The following UBA2 variants were observed in gnomAD, a reference collection of about 807,000 sequenced individuals.
The protein encoded by UBA2 is SUMO-activating enzyme subunit 2.
UBA2 carries 11 observed loss-of-function variants against 77.2 expected under a neutral mutation model. The ratio of observed to expected loss-of-function variants is 0.14; its 90% CI spans 0.09 to 0.24. UBA2 has a LOEUF of 0.24. Ranked by LOEUF, UBA2 falls within the 10% of genes least tolerant of loss-of-function variation. The pLI is 1.00. For synonymous variants in UBA2, 278 were observed against 276.7 expected (o/e 1.00, Z -0.05); for missense variants, 487 against 781.7 (o/e 0.62, Z 4.50).
chr19:34,457,179 AATATATATATATATATATATAT>A (rs766043321), intron 12 of UBA2, among the ~76,000 whole-genome samples: 1 of 53,222 alleles, frequency 1.9e-5, no homozygotes, highest in African/African-American at 1.2e-4. Flanking sequence ...AAAAAAAAAA[AATATATATATATATATATATAT>A]ATATATATAT....
rs372385389 is a variant in UBA2 at position 34,460,434 on chromosome 19, C to T, written c.1402-36C>T. ...ATTTCTTATGATCTTTAATTACCTA[C>T]GTTAATATTTTGAATCCTTTTTTTT... On this transcript the variant is annotated intron_variant, in intron 13 of 16. Transcript: ENST00000246548. 100 of 1,309,980 alleles carry T rather than the reference C, an allele frequency of 7.6e-5. No individual in the cohort carries two copies. The African/African-American group carries it at 7.7e-4, about 10-fold the overall frequency. The allele number at this position is 1,309,980 out of a possible 1,614,324, so 81.1% of individuals were successfully genotyped here. A position where few individuals can be genotyped will look rare whatever the true frequency, so the allele number is the denominator to read the frequency against.
chr19:34,436,945 G>C (rs2075315314), intron 5 of UBA2, among the ~76,000 whole-genome samples: 1 of 152,148 alleles, frequency 6.6e-6, no homozygotes, highest in Non-Finnish European at 1.5e-5. Context: ...GATCAAGACG[G>C]AAGTTCTCTG....
intron 9 of UBA2, 41 bp downstream of exon 9, chr19:34,450,405 A>T (rs2075479822): frequency 7.1e-7 from 1 of 1,418,272 alleles, no homozygotes. Context: ...TAAGCTGGAA[A>T]TATCCTCGCG....
At position 34,470,929 on chromosome 19, in the gene UBA2, G is replaced by A. The variant is rs2075728290; in HGVS notation, c.*1708G>A. On this transcript the variant is annotated 3_prime_UTR_variant, in exon 17 of 17. Coordinates refer to ENST00000246548, the MANE Select transcript of UBA2 (RefSeq NM_005499.3). ...TTGGAGCCTTGAATTTGAGATGCTGGAAAGGGAGTCCTTCCTCCTTTCTGC... is the reference window on the plus strand; with the variant it reads ...TTGGAGCCTTGAATTTGAGATGCTGAAAAGGGAGTCCTTCCTCCTTTCTGC... The A allele has an allele frequency of 6.6e-6, 1 of 152,204 alleles. No individual in the cohort carries two copies. The highest frequency in any genetic ancestry group is 6.5e-5 in the Admixed American group (1 of 15,278). 9.4% of individuals were successfully genotyped at this position (152,204 alleles called of 1,614,324 possible).
intron 5 of UBA2, among the ~76,000 whole-genome samples, chr19:34,437,468 G>C (rs1265169984): frequency 6.6e-6 from 1 of 151,498 alleles, no homozygotes; most frequent in Non-Finnish European, 1.5e-5. Flanking sequence ...AATTTAGCTG[G>C]GTGTGGTGGC....
At chr19:34,443,002 TA>T (rs566652242) in intron 6 of UBA2, among the ~76,000 whole-genome samples, 72 of 152,348 alleles carry the variant, frequency 4.7e-4, no homozygotes, top group African/African-American at 1.7e-3. Context: ...CATGAGTTAT[TA>T]AACAGTTTTT....
At chr19:34,468,511 T>C (rs1000341773) in intron 16 of UBA2, among the ~76,000 whole-genome samples, 1 of 152,238 alleles carries the variant, frequency 6.6e-6, no homozygotes, top group Non-Finnish European at 1.5e-5. Context: ...AAACCACCTT[T>C]AGTATCAGTT....
At chr19:34,448,824 A>AG (rs2075460157) in intron 8 of UBA2, among the ~76,000 whole-genome samples, 2 of 152,174 alleles carry the variant, frequency 1.3e-5, no homozygotes, top group Admixed American at 1.3e-4. Flanking sequence ...AGAGGACAGA[A>AG]TGAAAAGATG....
At chr19:34,467,070 C>G in intron 16 of UBA2, 56 bp downstream of exon 16, 1 of 1,584,758 alleles carries the variant, frequency 6.3e-7, no homozygotes, top group Non-Finnish European at 8.6e-7. Flanking sequence ...GAAGTAAAAA[C>G]AAACTGATTA....
At chr19:34,439,251 A>AGT (rs1238534890) in intron 6 of UBA2, among the ~76,000 whole-genome samples, 1 of 151,950 alleles carries the variant, frequency 6.6e-6, no homozygotes, top group African/African-American at 2.4e-5. Context: ...CAGGAAACTT[A>AGT]GTCTTATATT....
intron 12 of UBA2, 53 bp from the exon 13 acceptor site, chr19:34,458,716 C>A (rs535316125): frequency 6.0e-6 from 9 of 1,499,732 alleles, no homozygotes; most frequent in African/African-American, 1.4e-5. Flanking sequence ...GATTGTATGG[C>A]GTATAAAATT....
intron 6 of UBA2, among the ~76,000 whole-genome samples, chr19:34,439,401 A>G (rs1449387968): frequency 1.3e-5 from 2 of 152,236 alleles, no homozygotes; most frequent in Non-Finnish European, 2.9e-5. Context: ...AAAATGCTAT[A>G]CCAGAATGTA....
chr19:34,443,932 A>G, intron 7 of UBA2, 21 bp downstream of exon 7: 1 of 1,530,134 alleles, frequency 6.5e-7, no homozygotes, highest in Non-Finnish European at 9.0e-7. Context: ...TATTTGGCAT[A>G]TGTTTTATCA....
intron 7 of UBA2, 138 bp downstream of exon 7, chr19:34,444,049 T>TG: frequency 4.0e-6 from 1 of 250,988 alleles, no homozygotes; most frequent in Non-Finnish European, 6.8e-6. Flanking sequence ...TTTTTGTTTT[T>TG]TTTTTTTTTT....
intron 14 of UBA2, among the ~76,000 whole-genome samples, chr19:34,461,838 TG>T (rs2075634584): frequency 6.6e-6 from 1 of 152,154 alleles, no homozygotes; most frequent in Non-Finnish European, 1.5e-5. Flanking sequence ...GTACACAGTA[TG>T]AATCTAAGGA....
chr19:34,458,842 A>T lies in UBA2; in HGVS notation c.1319A>T (p.Asn440Ile). 1.9e-6 allele frequency: 3 copies of T among 1,614,048 alleles called. No individual in the cohort carries two copies. The highest frequency in any genetic ancestry group is 2.5e-6 in the Non-Finnish European group (3 of 1,180,012). ...VPCALDPPNP[N>I]CYVCASKPEV... is the part of the protein sequence containing the mutation. The stretch of plus-strand genomic sequence containing the variant: ...TGTGCACTGGATCCTCCCAACCCCA[A>T]TTGTTATGTATGTGCCAGCAAGCCA... Residue 440 changes from asparagine to isoleucine, a missense_variant, in exon 13 of 17, where the codon AAT becomes ATT. Coordinates refer to ENST00000246548, the MANE Select transcript of UBA2 (RefSeq NM_005499.3).
chr19:34,437,426 A>G (rs1043805731), intron 5 of UBA2, among the ~76,000 whole-genome samples: 1 of 151,196 alleles, frequency 6.6e-6, no homozygotes, highest in Admixed American at 6.6e-5. Context: ...CCTGGCCAAC[A>G]TGGTGAAACC....
At chr19:34,462,843 C>T (rs900413479) in intron 14 of UBA2, among the ~76,000 whole-genome samples, 1 of 152,056 alleles carries the variant, frequency 6.6e-6, no homozygotes. Context: ...AGCTGTAATG[C>T]CAGCACTTTG....
intron 16 of UBA2, among the ~76,000 whole-genome samples, chr19:34,468,716 A>G (rs1180961905): frequency 6.6e-6 from 1 of 152,186 alleles, no homozygotes; most frequent in African/African-American, 2.4e-5. Flanking sequence ...TGTTGTTGCT[A>G]TTGTTACCAC....
Sources: gnomAD v4.1 joint callset for allele counts (sites outside exome capture counted in the v4.1 genomes callset) on GRCh38, gnomAD v4.1.1 for gene constraint, MANE v1.5 for transcripts, NCBI Gene and HGNC (gene_info 2026-07-23, HGNC 2026-07-21) for gene names.